CAMSAP1: variants seen among roughly 807,000 people sequenced by gnomAD.
The protein encoded by CAMSAP1 is calmodulin-regulated spectrin-associated protein 1.
In CAMSAP1, 58 loss-of-function variants were observed where a neutral mutation model predicts 143.5. The ratio of observed to expected loss-of-function variants is 0.40; its 90% CI spans 0.33 to 0.50. The LOEUF is 0.50. Ranked by LOEUF, CAMSAP1 falls within the 20% of genes least tolerant of loss-of-function variation. The probability of loss-of-function intolerance (pLI) is 0.45; values close to 1 mark genes in which losing one functional copy is unlikely to be tolerated. For synonymous variants in CAMSAP1, 945 were observed against 859.3 expected (o/e 1.10, Z -1.74); for missense variants, 1,969 against 2,115.7 (o/e 0.93, Z 1.36).
chr9:135,899,394 T>C (rs1303482839), intron 1 of CAMSAP1, among the ~76,000 whole-genome samples: 2 of 142,966 alleles, frequency 1.4e-5, no homozygotes, highest in South Asian at 2.2e-4. Flanking sequence ...TTCGAGACCA[T>C]CCCTGACAGA....
In CAMSAP1 at chr9:135,824,151, G is replaced by T. The variant is rs78711953; in HGVS notation, c.1316-117C>A. The T allele has an allele frequency of 4.8e-6, 4 of 829,486 alleles. No homozygotes were observed. The highest frequency in any genetic ancestry group is 7.9e-6 in the Non-Finnish European group (4 of 504,832). 51.4% of individuals were successfully genotyped at this position (829,486 alleles called of 1,614,324 possible). A position where few individuals can be genotyped will look rare whatever the true frequency, so the allele number is the denominator to read the frequency against. On this transcript the variant is annotated intron_variant, in intron 9 of 16. Transcript: ENST00000389532. The surrounding 1 kb of genome is among the most constrained non-coding windows in gnomAD (Gnocchi z 4.1). ...CTCAAGTCAGTACACCAGAAGGGCC[G>T]CATGGAAAGCAGAGAGGCAAAACCA...
chr9:135,887,319 C>T (rs1015071655), intron 1 of CAMSAP1, among the ~76,000 whole-genome samples: 14 of 152,150 alleles, frequency 9.2e-5, no homozygotes, highest in African/African-American at 3.4e-4. Context: ...AGGATGCATG[C>T]ATGAAGACCA....
Position 135,818,055 on chromosome 9 carries a change from G to C in CAMSAP1, c.4193C>G (p.Ser1398Ter). 4 of 1,613,780 alleles carry C rather than the reference G, an allele frequency of 2.5e-6. No homozygotes were observed. Among genetic ancestry groups the C allele is most frequent in the Non-Finnish European group, 3.4e-6 (4 of 1,179,868 alleles). ...AGAGGCCAAGGACAGGCTGGAGCCT[G>C]ACTGAGTCCGGCTCAAGTTATCAGC... The part of the protein sequence containing the change: ...STPDNLSRTQ[S>*]GSSLSLASAA... The change falls in exon 14 of 17, where the codon TCA becomes TGA. Residue 1398 changes from serine to a stop codon, truncating the protein, a stop_gained. Coordinates refer to ENST00000389532, the MANE Select transcript of CAMSAP1 (RefSeq NM_015447.4). LOFTEE classifies it high-confidence loss of function. The surrounding 1 kb of genome is among the most constrained non-coding windows in gnomAD (Gnocchi z 7.7).
At chr9:135,895,145 C>A (rs756708455) in intron 1 of CAMSAP1, among the ~76,000 whole-genome samples, 1 of 152,070 alleles carries the variant, frequency 6.6e-6, no homozygotes, top group Non-Finnish European at 1.5e-5. Context: ...GTTCTATCAC[C>A]GGAGCCCAGA....
chr9:135,827,473 G>C lies in CAMSAP1; in HGVS notation c.1157C>G (p.Pro386Arg), dbSNP rs1207487306. The C allele has an allele frequency of 1.7e-5, 28 of 1,609,936 alleles. No individual in the cohort carries two copies. Among genetic ancestry groups the C allele is most frequent in the African/African-American group, 2.7e-5 (2 of 74,892 alleles). ...GCCTTCCGCCGGCAGCTGCACGGGGGGCTGCAGCTCAGCCAGGGTCCCTGC... is the reference window on the plus strand; with the variant it reads ...GCCTTCCGCCGGCAGCTGCACGGGGCGCTGCAGCTCAGCCAGGGTCCCTGC... ...PAAGTLAELQ[P>R]PVQLPAEGCH... The change falls in exon 8 of 17, where the codon CCC (proline) becomes CGC (arginine). Residue 386 changes from proline (P) to arginine (R), a missense_variant. This residue lies in a region of CAMSAP1 where 1,390 missense variants were observed against 1,420.8 expected (regional missense o/e 0.98). Coordinates refer to ENST00000389532, the MANE Select transcript of CAMSAP1 (RefSeq NM_015447.4).
In CAMSAP1 at chr9:135,824,964, T is replaced by C; in HGVS notation, c.1224-84A>G. The C allele has an allele frequency of 9.5e-7, 1 of 1,051,568 alleles. No homozygotes were observed. Among genetic ancestry groups the C allele is most frequent in the Non-Finnish European group, 1.4e-6 (1 of 729,308 alleles). The allele number at this position is 1,051,568 out of a possible 1,614,324, so 65.1% of individuals were successfully genotyped here. On this transcript the variant is annotated intron_variant, in intron 8 of 16. Coordinates refer to ENST00000389532, the MANE Select transcript of CAMSAP1 (RefSeq NM_015447.4). This position sits in a 1 kb window ranked among gnomAD's most constrained non-coding sequence, Gnocchi z 4.1. ...GCAAATGCACAAGTGTACAGGACCA[T>C]CCTGAATTCACACCAAGTTTTGAGA...
At chr9:135,836,833 ACTT>A (rs1175232796) in intron 7 of CAMSAP1, 2 of 982,106 alleles carry the variant, frequency 2.0e-6, no homozygotes, top group Admixed American at 6.3e-5. Context: ...GTCACCACAC[ACTT>A]CTACCGACAC....
Position 135,811,488 on chromosome 9 carries a change from G to T in CAMSAP1, c.4630C>A (p.Pro1544Thr). ...EEIYKLTGTG[P>T]KNITKKMIDK... ...ATCATTTTCTTGGTGATGTTCTTTG[G>T]CCCCGTGCCAGTGAGTTTGTAGATT... Residue 1544 changes from proline (P) to threonine (T), a missense_variant, in exon 17 of 17, where the codon CCA becomes ACA. Physicochemically the swap from Pro to Thr is conservative, Grantham distance 38 (BLOSUM62 -1). Transcript: ENST00000389532. This position sits in a 1 kb window ranked among gnomAD's most constrained non-coding sequence, Gnocchi z 4.9. 6.2e-7 allele frequency: 1 copy of T among 1,611,014 alleles called. No individual in the cohort carries two copies. Among genetic ancestry groups the T allele is most frequent in the South Asian group, 1.1e-5 (1 of 90,496 alleles).
chr9:135,875,804 C>T (rs1311889986), intron 3 of CAMSAP1, among the ~76,000 whole-genome samples: 1 of 152,054 alleles, frequency 6.6e-6, no homozygotes, highest in African/African-American at 2.4e-5. Flanking sequence ...GTCACAGAGG[C>T]AAATGTAAGA....
rs577464619 is a variant in CAMSAP1, at chr9:135,865,245, T to C, written c.666+1211A>G. The C allele has an allele frequency of 2.3e-6, 3 of 1,320,374 alleles. No individual in the cohort carries two copies. In the African/African-American group the frequency reaches 4.4e-5, roughly 19 times the overall value. The allele number at this position is 1,320,374 out of a possible 1,614,324, so 81.8% of individuals were successfully genotyped here. A position where few individuals can be genotyped will look rare whatever the true frequency, so the allele number is the denominator to read the frequency against. On this transcript the variant is annotated intron_variant, in intron 4 of 16. Coordinates refer to ENST00000389532, the MANE Select transcript of CAMSAP1 (RefSeq NM_015447.4). ...TAAACAACAACAACAAAAAAACAGTTTTGGGTGCGAGCAGTTTTTAATGGA... is the reference window on the plus strand; with the variant it reads ...TAAACAACAACAACAAAAAAACAGTCTTGGGTGCGAGCAGTTTTTAATGGA...
chr9:135,907,234 G>A lies in CAMSAP1; in HGVS notation c.-75C>T. 1.1e-6 allele frequency: 1 copy of A among 946,582 alleles called. No homozygotes were observed. Among genetic ancestry groups the A allele is most frequent in the Non-Finnish European group, 1.3e-6 (1 of 788,766 alleles). The allele number at this position is 946,582 out of a possible 1,614,324, so 58.6% of individuals were successfully genotyped here. A position where few individuals can be genotyped will look rare whatever the true frequency, so the allele number is the denominator to read the frequency against. ...CGCCCCTCGCCGCGCCGGGCCCGGTGCGCCCCGAGCCACCACTCGGCCCCG... is the reference window on the plus strand; with the variant it reads ...CGCCCCTCGCCGCGCCGGGCCCGGTACGCCCCGAGCCACCACTCGGCCCCG... On this transcript the variant is annotated 5_prime_UTR_variant, in exon 1 of 17. Transcript: ENST00000389532.
In CAMSAP1 at chr9:135,843,956, G is replaced by A. The variant is rs543026264; in HGVS notation, c.1045+6181C>T. ...ATAGAGGAGCACCCAGATTCATAAA[G>A]CAAGTTCTTAGAGACCTAGAAAGAG... On this transcript the variant is annotated intron_variant, in intron 7 of 16. Coordinates refer to ENST00000389532, the MANE Select transcript of CAMSAP1 (RefSeq NM_015447.4). Among the ~76,000 whole-genome samples the A allele has an allele frequency of 2.0e-4, 30 of 149,584 alleles. No individual in the cohort carries two copies. In the South Asian group the frequency reaches 6.2e-3, roughly 31 times the overall value.
At chr9:135,848,221 C>G (rs1302473662) in intron 7 of CAMSAP1, among the ~76,000 whole-genome samples, 1 of 151,726 alleles carries the variant, frequency 6.6e-6, no homozygotes, top group Non-Finnish European at 1.5e-5. Context: ...AAAGTTAAGT[C>G]CAGGGATGAA....
chr9:135,897,999 G>A (rs1838509404), intron 1 of CAMSAP1, among the ~76,000 whole-genome samples: 2 of 152,282 alleles, frequency 1.3e-5, no homozygotes, highest in African/African-American at 4.8e-5. Flanking sequence ...CAACATATAT[G>A]TGAGATGCAG....
rs764320543 is a variant in CAMSAP1 at position 135,881,696 on chromosome 9, C to T, written c.522G>A (p.Thr174=). Reference sequence around the variant, plus strand: ...ACGGAAGTTCTTTCGAGGCACTGAACGTTGAGAAGCGCTTGACACTGGCCA... The same window carrying T: ...ACGGAAGTTCTTTCGAGGCACTGAATGTTGAGAAGCGCTTGACACTGGCCA... ...KVVASVKRFS[T]FSASKELPYD... The change falls in exon 3 of 17, where the codon ACG becomes ACA. Residue 174 remains threonine, a synonymous_variant. Coordinates refer to ENST00000389532, the MANE Select transcript of CAMSAP1 (RefSeq NM_015447.4). 8 of 1,551,816 alleles carry T rather than the reference C, an allele frequency of 5.2e-6. No individual in the cohort carries two copies. The highest frequency in any genetic ancestry group is 2.4e-5 in the South Asian group (2 of 84,060).
intron 3 of CAMSAP1, among the ~76,000 whole-genome samples, chr9:135,868,609 AT>A (rs767495608): frequency 0.089 from 8,250 of 93,170 alleles, 123 homozygotes; most frequent in East Asian, 0.16. Flanking sequence ...GAGATTGGCA[AT>A]TTTTTTTTTT....
intron 5 of CAMSAP1, among the ~76,000 whole-genome samples, chr9:135,856,196 AAGC>A (rs1370728376): frequency 6.6e-6 from 1 of 152,244 alleles, no homozygotes; most frequent in Non-Finnish European, 1.5e-5. Flanking sequence ...TTACAAAAGA[AAGC>A]AGTTTATTGG....
intron 1 of CAMSAP1, among the ~76,000 whole-genome samples, chr9:135,904,238 A>C (rs1838700510): frequency 6.6e-6 from 1 of 151,868 alleles, no homozygotes; most frequent in African/African-American, 2.4e-5. Flanking sequence ...CCATCTCTAC[A>C]AAAAATACAA....
chr9:135,818,174 G>T lies in CAMSAP1; in HGVS notation c.4169-95C>A. ...TGTTCCCCTCACCTCGCCCTGCAGA[G>T]CTCGGCCACACAGGCCGCGTCCCCA... On this transcript the variant is annotated intron_variant, in intron 13 of 16. Coordinates refer to ENST00000389532, the MANE Select transcript of CAMSAP1 (RefSeq NM_015447.4). This position sits in a 1 kb window ranked among gnomAD's most constrained non-coding sequence, Gnocchi z 7.7. 7.4e-7 allele frequency: 1 copy of T among 1,353,090 alleles called. No individual in the cohort carries two copies. The highest frequency in any genetic ancestry group is 1.0e-6 in the Non-Finnish European group (1 of 974,858). The allele number at this position is 1,353,090 out of a possible 1,614,324, so 83.8% of individuals were successfully genotyped here.
Sources: gnomAD v4.1 joint callset for allele counts (sites outside exome capture counted in the v4.1 genomes callset) on GRCh38, gnomAD v4.1.1 for gene constraint, gnomAD v4.1.1 regional missense constraint, Gnocchi (gnomAD v3.1) non-coding constraint, MANE v1.5 for transcripts, NCBI Gene and HGNC (gene_info 2026-07-23, HGNC 2026-07-21) for gene names.